HMCN2: variants seen among roughly 807,000 people sequenced by gnomAD.
The protein encoded by HMCN2 is hemicentin-2.
HMCN2 carries 325 observed loss-of-function variants against 377.5 expected under a neutral mutation model. That is an observed-to-expected ratio of 0.86 (90% CI 0.79 to 0.94). The LOEUF (loss-of-function observed/expected upper bound fraction) is 0.94, where lower values mean the gene tolerates loss of function less well. Among genes scored for constraint, HMCN2 ranks in the 40% least tolerant of loss-of-function variants. The pLI is 0.00. For synonymous variants in HMCN2, 2,007 were observed against 2,046.8 expected (o/e 0.98, Z 0.53); for missense variants, 4,543 against 4,725.3 (o/e 0.96, Z 1.13).
At chr9:130,395,133 G>GGGGGGGGGGGGGC in intron 70 of HMCN2, 25 bp downstream of exon 70, 3 of 453,722 alleles carry the variant, frequency 6.6e-6, no homozygotes, top group Non-Finnish European at 1.2e-5. Flanking sequence ...TGGGGTGGGG[G>GGGGGGGGGGGGGC]CAGGGCCGGG....
intron 71 of HMCN2, 61 bp from the exon 72 acceptor site, chr9:130,395,863 C>T (rs1314867698): frequency 5.7e-6 from 7 of 1,238,362 alleles, no homozygotes; most frequent in Admixed American, 2.5e-5. Flanking sequence ...CATCTGCTGC[C>T]GGGTGGCCTG....
intron 11 of HMCN2, 73 bp from the exon 12 acceptor site, chr9:130,306,056 C>T (rs537117739): frequency 2.7e-5 from 12 of 451,096 alleles, no homozygotes; most frequent in East Asian, 2.1e-4. Flanking sequence ...GGGAAGAGCC[C>T]GGGGCGGGGT....
In HMCN2 at chr9:130,347,058, G is replaced by C. The variant is rs1440232304; in HGVS notation, c.3830-108G>C. Reference sequence around the variant, plus strand: ...GGGGACGGAGGTGCCTGGAGTCATCGCTGGACCGTCAGCCCCTTTTGCACA... The same window carrying C: ...GGGGACGGAGGTGCCTGGAGTCATCCCTGGACCGTCAGCCCCTTTTGCACA... On this transcript the variant is annotated intron_variant, in intron 25 of 97. Transcript: ENST00000683500. The surrounding 1 kb of genome is among the most constrained non-coding windows in gnomAD (Gnocchi z 5.1). 6.6e-6 allele frequency: 1 copy of C among 152,358 alleles called. No homozygotes were observed. Among genetic ancestry groups the C allele is most frequent in the Non-Finnish European group, 1.5e-5 (1 of 68,194 alleles). 9.4% of individuals were successfully genotyped at this position (152,358 alleles called of 1,614,324 possible). A position where few individuals can be genotyped will look rare whatever the true frequency, so the allele number is the denominator to read the frequency against.
chr9:130,283,034 A>G (rs940787439), intron 1 of HMCN2, among the ~76,000 whole-genome samples: 2 of 152,078 alleles, frequency 1.3e-5, no homozygotes, highest in African/African-American at 2.4e-5. Flanking sequence ...TCATGCCACT[A>G]TACTGCAGCC....
At chr9:130,288,918 G>A (rs1835570832) in intron 4 of HMCN2, among the ~76,000 whole-genome samples, 1 of 152,208 alleles carries the variant, frequency 6.6e-6, no homozygotes, top group South Asian at 2.1e-4. Context: ...TCAGAGGCAG[G>A]CAACGTGGCC....
At chr9:130,276,192 A>G (rs1459272676) in intron 1 of HMCN2, among the ~76,000 whole-genome samples, 2 of 152,106 alleles carry the variant, frequency 1.3e-5, no homozygotes, top group African/African-American at 4.8e-5. Context: ...CCCTGCACCC[A>G]TTAATCACTT....
chr9:130,430,149 G>C (rs946450801), intron 94 of HMCN2, 135 bp from the exon 95 acceptor site: 8 of 734,786 alleles, frequency 1.1e-5, no homozygotes, highest in African/African-American at 7.1e-5. Context: ...GGGATGCAGC[G>C]TGGCTCACAT....
rs1374914982 is a variant in HMCN2 at position 130,349,401 on chromosome 9, G to A, written c.4304-136G>A. The A allele has an allele frequency of 2.8e-6, 3 of 1,073,378 alleles. No individual in the cohort carries two copies. The East Asian group carries it at 1.8e-4, about 65-fold the overall frequency. The allele number at this position is 1,073,378 out of a possible 1,614,324, so 66.5% of individuals were successfully genotyped here. On this transcript the variant is annotated intron_variant, in intron 28 of 97. Coordinates refer to ENST00000683500, the MANE Select transcript of HMCN2 (RefSeq NM_001291815.2). Reference sequence around the variant, plus strand: ...TCCAGAGCAAGCCCTTCTGGCCAGGGTTTTGGGGGGCTTCCCAGGAAGGTC... The same window carrying A: ...TCCAGAGCAAGCCCTTCTGGCCAGGATTTTGGGGGGCTTCCCAGGAAGGTC...
In HMCN2 at chr9:130,394,069, G is replaced by T; in HGVS notation, c.10501+61G>T. 1 of 1,186,950 alleles carries T rather than the reference G, an allele frequency of 8.4e-7. No homozygotes were observed. The highest frequency in any genetic ancestry group is 1.1e-6 in the Non-Finnish European group (1 of 939,628). The allele number at this position is 1,186,950 out of a possible 1,614,324, so 73.5% of individuals were successfully genotyped here. A position where few individuals can be genotyped will look rare whatever the true frequency, so the allele number is the denominator to read the frequency against. Reference sequence around the variant, plus strand: ...TCGGGGGAGAGGGTGGGACTCTAGGGGCAATGGGAAGGACAGTGAGGGAGG... The same window carrying T: ...TCGGGGGAGAGGGTGGGACTCTAGGTGCAATGGGAAGGACAGTGAGGGAGG... On this transcript the variant is annotated intron_variant, in intron 68 of 97. Coordinates refer to ENST00000683500, the MANE Select transcript of HMCN2 (RefSeq NM_001291815.2). The surrounding 1 kb of genome is among the most constrained non-coding windows in gnomAD (Gnocchi z 5.1).
At chr9:130,357,718 T>C in intron 34 of HMCN2, 116 bp from the exon 35 acceptor site, 1 of 678,516 alleles carries the variant, frequency 1.5e-6, no homozygotes, top group Non-Finnish European at 2.2e-6. Flanking sequence ...GATGCTAGCC[T>C]TTGGCCAGCC....
rs766142981 is a variant in HMCN2 at position 130,349,579 on chromosome 9, T to C, written c.4346T>C (p.Leu1449Pro). 1 of 1,303,822 alleles carries C rather than the reference T, an allele frequency of 7.7e-7. No homozygotes were observed. Among genetic ancestry groups the C allele is most frequent in the South Asian group, 1.2e-5 (1 of 81,012 alleles). 80.8% of individuals were successfully genotyped at this position (1,303,822 alleles called of 1,614,324 possible). The change falls in exon 29 of 98, where the codon CTA becomes CCA. Residue 1449 changes from leucine to proline, a missense_variant. By Grantham distance (98) the Leu-to-Pro change is moderately conservative (BLOSUM62 -3). Around this residue, in one of 5 missense-constraint regions of HMCN2, gnomAD observed 1,032 missense variants for 1,285.1 expected, o/e 0.80. Coordinates refer to ENST00000683500, the MANE Select transcript of HMCN2 (RefSeq NM_001291815.2). Reference protein sequence around the residue: ...VLGAGAAQEVLGLAGADVELQ... With the variant: ...VLGAGAAQEVPGLAGADVELQ... ...GGAGCCGGGGCCGCTCAGGAGGTGCTAGGATTGGCCGGTGCAGACGTGGAG... is the reference window on the plus strand; with the variant it reads ...GGAGCCGGGGCCGCTCAGGAGGTGCCAGGATTGGCCGGTGCAGACGTGGAG...
chr9:130,357,369 G>A (rs888598981), intron 34 of HMCN2, among the ~76,000 whole-genome samples: 1 of 150,180 alleles, frequency 6.7e-6, no homozygotes, highest in East Asian at 2.0e-4. Context: ...TGGAAGAGTG[G>A]GTAGATGGAT....
intron 4 of HMCN2, among the ~76,000 whole-genome samples, chr9:130,293,711 C>T (rs1835941458): frequency 6.6e-6 from 1 of 152,114 alleles, no homozygotes; most frequent in South Asian, 2.1e-4. Context: ...TCACTCTGTG[C>T]CTGGCAGTGA....
chr9:130,291,861 G>A (rs1835788594), intron 4 of HMCN2, among the ~76,000 whole-genome samples: 1 of 152,126 alleles, frequency 6.6e-6, no homozygotes, highest in Non-Finnish European at 1.5e-5. Context: ...ATTTCATCAA[G>A]GGCTGTGCAT....
At position 130,348,547 on chromosome 9, in the gene HMCN2, C is replaced by A; in HGVS notation, c.4027C>A (p.Pro1343Thr). 1.5e-6 allele frequency: 2 copies of A among 1,303,534 alleles called. No individual in the cohort carries two copies. Among genetic ancestry groups the A allele is most frequent in the South Asian group, 1.2e-5 (1 of 80,992 alleles). 80.7% of individuals were successfully genotyped at this position (1,303,534 alleles called of 1,614,324 possible). Reference sequence around the variant, plus strand: ...CCTCGGCTCTCCTTGCCCCCAAGTGCCCCCCAGCATCCGGGAGGACGGGCG... The same window carrying A: ...CCTCGGCTCTCCTTGCCCCCAAGTGACCCCCAGCATCCGGGAGGACGGGCG... ...SRRAKLVVYV[P>T]PSIREDGRKA... Residue 1343 changes from proline (P) to threonine (T), a missense_variant and splice_region_variant, in exon 27 of 98, where the codon CCC becomes ACC. Pro to Thr is a conservative substitution (Grantham distance 38). This residue lies in a region of HMCN2 where 547 missense variants were observed against 189.9 expected (regional missense o/e 2.88). Transcript: ENST00000683500.
At chr9:130,421,457 G>A (rs925576211) in intron 86 of HMCN2, among the ~76,000 whole-genome samples, 17 of 152,168 alleles carry the variant, frequency 1.1e-4, no homozygotes, top group Middle Eastern at 3.4e-3. Context: ...CATCAGCCTG[G>A]CAGGTCCCAA....
intron 75 of HMCN2, among the ~76,000 whole-genome samples, 151 bp downstream of exon 75, chr9:130,398,858 G>C (rs1842735268): frequency 6.6e-6 from 1 of 152,220 alleles, no homozygotes. Flanking sequence ...TTGGGGATCA[G>C]AGAGTCTTCA....
rs1400832254 is a variant in HMCN2, at chr9:130,278,027, CGATCATCACCACCACCAT to C, written c.260-6575_260-6558del. On this transcript the variant is annotated intron_variant, in intron 1 of 97. Transcript: ENST00000683500. ...ACCACCATCATCATCACCACCACCA[CGATCATCACCACCACCAT>C]CATCATTACCACCACCACCACCACC... Among the ~76,000 whole-genome samples, 3 of 6,716 alleles carry C rather than the reference CGATCATCACCACCACCAT, an allele frequency of 4.5e-4. 1 individual carries two copies. The highest frequency in any genetic ancestry group is 1.8e-3 in the Admixed American group (1 of 548). 4.4% of individuals were successfully genotyped at this position (6,716 alleles called of 152,430 possible).
intron 59 of HMCN2, among the ~76,000 whole-genome samples, chr9:130,385,326 C>G (rs531618509): frequency 1.3e-5 from 2 of 152,260 alleles, no homozygotes; most frequent in South Asian, 4.1e-4. Context: ...GACAGCATCT[C>G]CCCCATCTAG....
Sources: gnomAD v4.1 joint callset for allele counts (sites outside exome capture counted in the v4.1 genomes callset) on GRCh38, gnomAD v4.1.1 for gene constraint, gnomAD v4.1.1 regional missense constraint, Gnocchi (gnomAD v3.1) non-coding constraint, MANE v1.5 for transcripts, NCBI Gene and HGNC (gene_info 2026-07-23, HGNC 2026-07-21) for gene names.